Variants in ZNF605 observed in about 807,000 individuals in gnomAD.
ZNF605 encodes the protein zinc finger protein 605.
ZNF605 carries 9 observed loss-of-function variants against 7.9 expected under a neutral mutation model. That is an observed-to-expected ratio of 1.14 (90% confidence interval 0.68 to 1.98). The LOEUF (loss-of-function observed/expected upper bound fraction) is 1.98, where lower values mean the gene tolerates loss of function less well. Among genes scored for constraint, ZNF605 ranks in the 30% most tolerant of loss-of-function variants. The pLI, the probability that ZNF605 is intolerant of heterozygous loss-of-function variation, is 0.00. For synonymous variants in ZNF605, 255 were observed against 260.1 expected (o/e 0.98, Z 0.19); for missense variants, 673 against 762.4 (o/e 0.88, Z 1.38).
intron 3 of ZNF605, among the ~76,000 whole-genome samples, chr12:132,939,846 G>GA (rs1466583440): frequency 0.025 from 3,688 of 150,384 alleles, 162 homozygotes; most frequent in African/African-American, 0.086. Flanking sequence ...CTTCACTCCT[G>GA]AGCCAGCGAG....
Position 132,944,672 on chromosome 12 carries a change from C to T in ZNF605, c.15+949G>A, listed in dbSNP as rs1328091547. 4.6e-5 allele frequency: 7 copies of T among 152,216 alleles called. No individual in the cohort carries two copies. The East Asian group carries it at 5.8e-4, about 13-fold the overall frequency. 9.4% of individuals were successfully genotyped at this position (152,216 alleles called of 1,614,324 possible). A position where few individuals can be genotyped will look rare whatever the true frequency, so the allele number is the denominator to read the frequency against. On this transcript the variant is annotated intron_variant, in intron 3 of 4. Transcript: ENST00000360187. ...GAAGAAACTGTGTTCTGAATTCTTT[C>T]GATTCATGCCCTTAGCTGACATTGA...
intron 1 of ZNF605, among the ~76,000 whole-genome samples, chr12:132,949,183 G>A (rs1352268917): frequency 6.6e-6 from 1 of 152,154 alleles, no homozygotes; most frequent in South Asian, 2.1e-4. Flanking sequence ...CTGTGTTCAA[G>A]GAGAAGGACA....
chr12:132,945,628 T>C lies in ZNF605; in HGVS notation c.8A>G (p.Gln3Arg). 6.2e-7 allele frequency: 1 copy of C among 1,614,132 alleles called. No homozygotes were observed. The highest frequency in any genetic ancestry group is 8.5e-7 in the Non-Finnish European group (1 of 1,180,040). ...GATAAACCGATAACCCACCTGTGAC[T>C]GGATCATTTTCCGCTGCTCTTGGGA... MI[Q>R]SQISFEDVAV... The change falls in exon 3 of 5, where the codon CAG (glutamine) becomes CGG (arginine). Residue 3 changes from glutamine (Q) to arginine (R), a missense_variant. By Grantham distance (43) the Gln-to-Arg change is conservative. Transcript: ENST00000360187.
intron 1 of ZNF605, among the ~76,000 whole-genome samples, chr12:132,954,425 G>GGGA (rs1449038078): frequency 3.5e-3 from 2 of 570 alleles, no homozygotes; most frequent in East Asian, 0.05. Context: ...GAGAAGGATG[G>GGGA]GGGAGGAGAA....
chr12:132,953,398 C>A (rs2137169600), intron 1 of ZNF605, among the ~76,000 whole-genome samples: 1 of 152,296 alleles, frequency 6.6e-6, no homozygotes, highest in Non-Finnish European at 1.5e-5. Context: ...CAGTATAGAC[C>A]ACTAATCACA....
rs774474936 is a variant in ZNF605, at chr12:132,933,478, G to A, written c.16-323C>T. Among the ~76,000 whole-genome samples the A allele has an allele frequency of 5.3e-5, 8 of 152,218 alleles. No homozygotes were observed. Among genetic ancestry groups the A allele is most frequent in the South Asian group, 4.1e-4 (2 of 4,828 alleles). On this transcript the variant is annotated intron_variant, in intron 3 of 4. Transcript: ENST00000360187. The surrounding 1 kb of genome is among the most constrained non-coding windows in gnomAD (Gnocchi z 4.4). ...GCCGCCATGTGGAAGCTCATGTGCC[G>A]TGGAACTGAGGCTTCCCAACAGCCA...
intron 3 of ZNF605, among the ~76,000 whole-genome samples, chr12:132,938,879 G>A (rs1229467014): frequency 6.6e-6 from 1 of 152,108 alleles, no homozygotes; most frequent in Non-Finnish European, 1.5e-5. Flanking sequence ...CCCGGGCAAT[G>A]GGGGACTTAG....
chr12:132,938,946 C>A (rs1215996970), intron 3 of ZNF605, among the ~76,000 whole-genome samples: 3 of 152,024 alleles, frequency 2.0e-5, no homozygotes, highest in Non-Finnish European at 2.9e-5. Context: ...GCTGGCCCAC[C>A]GGCGCTGCGC....
rs1023012575 is a variant in ZNF605, at chr12:132,942,909, C to T, written c.15+2712G>A. 1.1e-3 allele frequency among the ~76,000 whole-genome samples: 167 copies of T among 152,278 alleles called. 1 individual carries two copies. Among genetic ancestry groups the T allele is most frequent in the Middle Eastern group, 0.01 (3 of 294 alleles). ...GGCCCGACCATCCTGCTTGGAGTGG[C>T]GTCATAGCCATGGTCTGCTGTTGCC... On this transcript the variant is annotated intron_variant, in intron 3 of 4. Coordinates refer to ENST00000360187, the MANE Select transcript of ZNF605 (RefSeq NM_183238.4).
At chr12:132,940,379 T>A (rs1411273370) in intron 3 of ZNF605, among the ~76,000 whole-genome samples, 1 of 152,156 alleles carries the variant, frequency 6.6e-6, no homozygotes, top group Non-Finnish European at 1.5e-5. Context: ...TGTGCGAAAT[T>A]TCAGGCACAA....
chr12:132,941,768 G>GGGCTGCCCTCCGTCACGCGCCCTTTTCCA lies in ZNF605; in HGVS notation c.15+3824_15+3852dup, dbSNP rs1952444747. Among the ~76,000 whole-genome samples, 2 of 150,288 alleles carry GGGCTGCCCTCCGTCACGCGCCCTTTTCCA rather than the reference G, an allele frequency of 1.3e-5. No individual in the cohort carries two copies. The highest frequency in any genetic ancestry group is 3.0e-5 in the Non-Finnish European group (2 of 67,506). On this transcript the variant is annotated intron_variant, in intron 3 of 4. Coordinates refer to ENST00000360187, the MANE Select transcript of ZNF605 (RefSeq NM_183238.4). This position sits in a 1 kb window ranked among gnomAD's most constrained non-coding sequence, Gnocchi z 5.1. ...CCTCCGTCACGCGTCCCTCTTCTCC[G>GGGCTGCCCTCCGTCACGCGCCCTTTTCCA]GGCTGCCCTCCGTCACGCGCCCTTT... is the stretch of plus-strand genomic sequence containing the variant.
chr12:132,926,686 CT>C lies in ZNF605; in HGVS notation c.612del (p.Ala205ProfsTer69). On this transcript the variant is annotated frameshift_variant, in exon 5 of 5. Coordinates refer to ENST00000360187, the MANE Select transcript of ZNF605 (RefSeq NM_183238.4). LOFTEE classifies it low-confidence loss of function (END_TRUNC). The stretch of plus-strand genomic sequence containing the variant: ...GTGAGCAGTGACTTCTGTGAAAAGG[CT>C]TTTCCACACTCACTGCATTGATAGG... ...EKPYQCSECG[K>X]AFSQKSLLTV... 1 of 1,614,154 alleles carries C rather than the reference CT, an allele frequency of 6.2e-7. No individual in the cohort carries two copies. The highest frequency in any genetic ancestry group is 8.5e-7 in the Non-Finnish European group (1 of 1,180,018).
intron 4 of ZNF605, 123 bp from the exon 5 acceptor site, chr12:132,927,285 A>T: frequency 1.7e-6 from 1 of 599,226 alleles, no homozygotes; most frequent in Non-Finnish European, 2.6e-6. Flanking sequence ...ATGTGTACTT[A>T]TTGGGCATTG....
intron 4 of ZNF605, among the ~76,000 whole-genome samples, chr12:132,931,637 A>C (rs1330267286): frequency 6.6e-6 from 1 of 152,218 alleles, no homozygotes; most frequent in African/African-American, 2.4e-5. Flanking sequence ...ACTCTTGAGC[A>C]CAAATCTAGC....
chr12:132,930,477 T>C (rs1177728848), intron 4 of ZNF605, among the ~76,000 whole-genome samples: 1 of 151,834 alleles, frequency 6.6e-6, no homozygotes, highest in African/African-American at 2.4e-5. Context: ...AGGTTTGTCT[T>C]TTTCACTAAT....
intron 1 of ZNF605, among the ~76,000 whole-genome samples, chr12:132,952,973 C>T (rs1051128412): frequency 6.6e-6 from 1 of 152,076 alleles, no homozygotes; most frequent in Non-Finnish European, 1.5e-5. Flanking sequence ...CACACACACA[C>T]CCCAGACACA....
intron 4 of ZNF605, among the ~76,000 whole-genome samples, chr12:132,931,748 T>A (rs1339358808): frequency 8.5e-5 from 13 of 152,156 alleles, no homozygotes; most frequent in African/African-American, 2.4e-4. Context: ...AGATTAAATA[T>A]CACACAGCAG....
At position 132,926,203 on chromosome 12, in the gene ZNF605, C is replaced by T. The variant is rs1952245372; in HGVS notation, c.1096G>A (p.Glu366Lys). 9.3e-6 allele frequency: 15 copies of T among 1,614,016 alleles called. No individual in the cohort carries two copies. Among genetic ancestry groups the T allele is most frequent in the African/African-American group, 1.3e-5 (1 of 74,904 alleles). ...AAGGCTTCACCACATTCGTTGCATT[C>T]GTAGGGCTTCTCTCCTGTATGAATC... ...QRIHTGEKPY[E>K]CNECGEAFIR... Residue 366 changes from glutamate (E) to lysine (K), a missense_variant, in exon 5 of 5, where the codon GAA becomes AAA. Glu to Lys is a moderately conservative substitution (Grantham distance 56). Transcript: ENST00000360187.
chr12:132,932,187 G>C (rs1218340186), intron 4 of ZNF605, among the ~76,000 whole-genome samples: 1 of 152,032 alleles, frequency 6.6e-6, no homozygotes, highest in Non-Finnish European at 1.5e-5. Context: ...TTAAGTGACT[G>C]TCGTGCCCTG....
Sources: gnomAD v4.1 joint callset for allele counts (sites outside exome capture counted in the v4.1 genomes callset) on GRCh38, gnomAD v4.1.1 for gene constraint, Gnocchi (gnomAD v3.1) non-coding constraint, MANE v1.5 for transcripts, NCBI Gene and HGNC (gene_info 2026-07-23, HGNC 2026-07-21) for gene names.